Variants in ITGA6 observed in about 807,000 individuals in gnomAD.
ITGA6 encodes integrin subunit alpha 6.
A neutral mutation model predicts 133.6 loss-of-function variants in ITGA6; 63 were observed. The ratio of observed to expected loss-of-function variants is 0.47; its 90% CI spans 0.38 to 0.58. ITGA6 has a LOEUF of 0.58. Ranked by LOEUF, ITGA6 falls within the 20% of genes least tolerant of loss-of-function variation. The pLI is 0.00. For synonymous variants in ITGA6, 434 were observed against 482.0 expected (o/e 0.90, Z 1.30); for missense variants, 1,068 against 1,309.4 (o/e 0.82, Z 2.85).
chr2:172,453,159 C>T (rs887930719), intron 1 of ITGA6, among the ~76,000 whole-genome samples: 1 of 152,112 alleles, frequency 6.6e-6, no homozygotes, highest in African/African-American at 2.4e-5. Flanking sequence ...CAGAGATTTG[C>T]AGACAAAACT....
At chr2:172,449,922 CAAAAAAAA>C (rs753594850) in intron 1 of ITGA6, among the ~76,000 whole-genome samples, 2 of 77,680 alleles carry the variant, frequency 2.6e-5, no homozygotes, top group African/African-American at 9.2e-5. Context: ...ACTTCCTCTC[CAAAAAAAA>C]AAAAAAAAAA....
At chr2:172,444,372 A>C (rs996059645) in intron 1 of ITGA6, among the ~76,000 whole-genome samples, 5 of 152,220 alleles carry the variant, frequency 3.3e-5, no homozygotes, top group Non-Finnish European at 7.3e-5. Flanking sequence ...TAGTTGCTAA[A>C]ATATTGAAAT....
intron 20 of ITGA6, 77 bp downstream of exon 20, chr2:172,489,735 G>A (rs1686842888): frequency 3.9e-6 from 5 of 1,298,530 alleles, no homozygotes; most frequent in Non-Finnish European, 5.5e-6. Context: ...AATCATTACT[G>A]TTCTTAGGAA....
chr2:172,468,851 A>G, intron 3 of ITGA6: 1 of 386,140 alleles, frequency 2.6e-6, no homozygotes, highest in Non-Finnish European at 4.8e-6. Flanking sequence ...TTACAAATAA[A>G]TTGCCTATGG....
chr2:172,443,070 C>G (rs1168526175), intron 1 of ITGA6, among the ~76,000 whole-genome samples: 1 of 152,206 alleles, frequency 6.6e-6, no homozygotes, highest in Non-Finnish European at 1.5e-5. Flanking sequence ...GATCTCTGGG[C>G]ATCCTATTCT....
At chr2:172,473,345 C>A (rs1044569576) in intron 5 of ITGA6, among the ~76,000 whole-genome samples, 6 of 152,204 alleles carry the variant, frequency 3.9e-5, no homozygotes, top group Non-Finnish European at 8.8e-5. Context: ...GCCCTCTGAA[C>A]AAGTATATAA....
At chr2:172,471,397 C>T (rs572092864) in intron 5 of ITGA6, among the ~76,000 whole-genome samples, 1 of 152,324 alleles carries the variant, frequency 6.6e-6, no homozygotes, top group Admixed American at 6.5e-5. Flanking sequence ...CTAATGGCAG[C>T]CTCCGTAACC....
In ITGA6 at chr2:172,475,661, T is replaced by G; in HGVS notation, c.1245T>G (p.Asn415Lys). ...TTTTTATCTATCATGGATCTGCAAA[T>G]GGAATAAATACCAAACCAACACAGG... is the stretch of plus-strand genomic sequence containing the variant. ...GKVFIYHGSA[N>K]GINTKPTQVL... Residue 415 changes from asparagine (N) to lysine (K), a missense_variant, in exon 8 of 26, where the codon AAT (asparagine) becomes AAG (lysine). By Grantham distance (94) the Asn-to-Lys change is moderately conservative. This residue lies in a region of ITGA6 where 317 missense variants were observed against 456.9 expected (regional missense o/e 0.69). Transcript: ENST00000684293. The G allele has an allele frequency of 6.2e-7, 1 of 1,603,636 alleles. No individual in the cohort carries two copies.
At chr2:172,479,566 C>A (rs1279427891) in intron 9 of ITGA6, 75 bp from the exon 10 acceptor site, 1 of 1,197,464 alleles carries the variant, frequency 8.4e-7, no homozygotes. Context: ...GCTAAGGATG[C>A]TCTCTAGTAT....
intron 1 of ITGA6, among the ~76,000 whole-genome samples, chr2:172,430,639 G>C (rs1684068311): frequency 6.6e-6 from 1 of 152,156 alleles, no homozygotes; most frequent in Non-Finnish European, 1.5e-5. Context: ...TATGACTTTT[G>C]CAGAATAATA....
chr2:172,506,053 AAATGTCATCTC>A lies in ITGA6; in HGVS notation c.*1988_*1998del, dbSNP rs1273436740. On this transcript the variant is annotated 3_prime_UTR_variant, in exon 26 of 26. Coordinates refer to ENST00000684293, the MANE Select transcript of ITGA6 (RefSeq NM_000210.4). ...TGGTGTTTAGATTTATGGTTGTTAA[AAATGTCATCTC>A]AAGTCAAGTCACTGGTCTGTTTGCA... The A allele has an allele frequency of 6.6e-6, 1 of 152,656 alleles. No homozygotes were observed. The highest frequency in any genetic ancestry group is 2.4e-5 in the African/African-American group (1 of 41,466). The allele number at this position is 152,656 out of a possible 1,614,324, so 9.5% of individuals were successfully genotyped here.
intron 1 of ITGA6, among the ~76,000 whole-genome samples, chr2:172,459,910 G>C (rs1175282463): frequency 6.6e-6 from 1 of 152,204 alleles, no homozygotes; most frequent in African/African-American, 2.4e-5. Flanking sequence ...ATGAGATCCT[G>C]ATTTAACGCG....
intron 1 of ITGA6, among the ~76,000 whole-genome samples, chr2:172,433,267 A>G (rs1396934630): frequency 6.6e-6 from 1 of 152,222 alleles, no homozygotes; most frequent in Non-Finnish European, 1.5e-5. Flanking sequence ...GCAACCTTTT[A>G]TAAAAGTGTG....
At chr2:172,490,755 G>A in intron 20 of ITGA6, 1 of 391,926 alleles carries the variant, frequency 2.6e-6, no homozygotes, top group South Asian at 2.2e-5. Flanking sequence ...GGGATACAGA[G>A]GAACAAAGAA....
chr2:172,439,724 C>T (rs374141260), intron 1 of ITGA6, among the ~76,000 whole-genome samples: 7 of 152,128 alleles, frequency 4.6e-5, no homozygotes, highest in South Asian at 2.1e-4. Flanking sequence ...ACCAGCTCAA[C>T]CTTTTCTCTC....
chr2:172,483,143 C>T (rs924817584), intron 11 of ITGA6, among the ~76,000 whole-genome samples: 1 of 152,022 alleles, frequency 6.6e-6, no homozygotes, highest in African/African-American at 2.4e-5. Context: ...GAGGTCCAAG[C>T]TGAAATCTGA....
Position 172,491,503 on chromosome 2 carries a change from C to T in ITGA6, c.2968C>T (p.Leu990=), listed in dbSNP as rs376601539. The T allele has an allele frequency of 1.1e-5, 17 of 1,612,832 alleles. No homozygotes were observed. Among genetic ancestry groups the T allele is most frequent in the Admixed American group, 1.7e-5 (1 of 59,982 alleles). The change falls in exon 23 of 26, where the codon CTG becomes TTG. Residue 990 remains leucine (L), a synonymous_variant. Coordinates refer to ENST00000684293, the MANE Select transcript of ITGA6 (RefSeq NM_000210.4). The surrounding 1 kb of genome is among the most constrained non-coding windows in gnomAD (Gnocchi z 4.4). ...DVTAAAENIR[L]PNAGTQVRVT... The stretch of plus-strand genomic sequence containing the variant: ...GACTGCTGCTGCCGAAAATATCAGG[C>T]TGCCAAATGCAGGCACTCAGGTGAG...
chr2:172,427,935 CATGCACTGGCA>C lies in ITGA6; in HGVS notation c.149_159del (p.Met50ThrfsTer47). ...GGAGCCTCTTCGGCTTCTCGCTGGC[CATGCACTGGCA>C]ACTGCAGCCCGAGGACAAGCGGCTG... On this transcript the variant is annotated frameshift_variant, in exon 1 of 26. Transcript: ENST00000684293. LOFTEE classifies it high-confidence loss of function. 2 of 1,606,742 alleles carry C rather than the reference CATGCACTGGCA, an allele frequency of 1.2e-6. No homozygotes were observed. The highest frequency in any genetic ancestry group is 1.7e-6 in the Non-Finnish European group (2 of 1,177,114).
chr2:172,472,119 C>T (rs1327830109), intron 5 of ITGA6, among the ~76,000 whole-genome samples: 1 of 152,188 alleles, frequency 6.6e-6, no homozygotes, highest in Non-Finnish European at 1.5e-5. Flanking sequence ...GCCAGGAGTT[C>T]AAGACCAGCC....
Sources: gnomAD v4.1 joint callset for allele counts (sites outside exome capture counted in the v4.1 genomes callset) on GRCh38, gnomAD v4.1.1 for gene constraint, gnomAD v4.1.1 regional missense constraint, Gnocchi (gnomAD v3.1) non-coding constraint, MANE v1.5 for transcripts, NCBI Gene and HGNC (gene_info 2026-07-23, HGNC 2026-07-21) for gene names.